CSMD3: variants seen among roughly 807,000 people sequenced by gnomAD.
CSMD3 encodes CUB and Sushi multiple domains 3.
CSMD3 carries 177 observed loss-of-function variants against 435.2 expected under a neutral mutation model. The observed-to-expected ratio is 0.41, with a 90% confidence interval of 0.36 to 0.46. The LOEUF (loss-of-function observed/expected upper bound fraction) is 0.46, where lower values mean the gene tolerates loss of function less well. Among genes scored for constraint, CSMD3 ranks in the 20% least tolerant of loss-of-function variants. The pLI, the probability that CSMD3 is intolerant of heterozygous loss-of-function variation, is 0.34. For synonymous variants in CSMD3, 1,656 were observed against 1,520.5 expected (o/e 1.09, Z -2.07); for missense variants, 4,265 against 4,504.6 (o/e 0.95, Z 1.52).
chr8:112,999,365 T>C (rs950139838), intron 6 of CSMD3, among the ~76,000 whole-genome samples: 3 of 151,724 alleles, frequency 2.0e-5, no homozygotes, highest in Non-Finnish European at 2.9e-5. Flanking sequence ...GAACAGCAAA[T>C]GCAAAAACCC....
intron 45 of CSMD3, among the ~76,000 whole-genome samples, chr8:112,320,450 A>T (rs1298819982): frequency 3.3e-5 from 5 of 152,026 alleles, no homozygotes; most frequent in South Asian, 4.2e-4. Context: ...CACAAAAAAA[A>T]TTTTCTTATT....
intron 26 of CSMD3, among the ~76,000 whole-genome samples, chr8:112,551,225 T>C (rs1351278303): frequency 6.6e-6 from 1 of 152,076 alleles, no homozygotes; most frequent in African/African-American, 2.4e-5. Context: ...TTTTATTTGT[T>C]TAATTGTTAT....
chr8:113,086,099 T>G (rs2089762246), intron 5 of CSMD3, among the ~76,000 whole-genome samples: 2 of 151,406 alleles, frequency 1.3e-5, no homozygotes, highest in South Asian at 4.2e-4. Context: ...CACACAAAAA[T>G]TAGCCAGGCG....
intron 27 of CSMD3, among the ~76,000 whole-genome samples, chr8:112,529,097 T>G (rs1224697752): frequency 1.3e-5 from 2 of 151,866 alleles, no homozygotes; most frequent in Non-Finnish European, 2.9e-5. Context: ...ACAAACAAAA[T>G]CAGCTCTCAG....
At chr8:112,455,443 A>C (rs1003271670) in intron 32 of CSMD3, among the ~76,000 whole-genome samples, 1 of 151,892 alleles carries the variant, frequency 6.6e-6, no homozygotes, top group Non-Finnish European at 1.5e-5. Context: ...AGAGCTGAAA[A>C]ACTACCTATT....
chr8:112,396,679 C>A (rs532992379), intron 35 of CSMD3, among the ~76,000 whole-genome samples: 1 of 152,156 alleles, frequency 6.6e-6, no homozygotes, highest in East Asian at 1.9e-4. Context: ...GTTTGCTGAA[C>A]ACCTGTTGTG....
chr8:112,708,562 A>C (rs1049835847), intron 13 of CSMD3, among the ~76,000 whole-genome samples: 5 of 151,942 alleles, frequency 3.3e-5, no homozygotes, highest in East Asian at 1.9e-4. Context: ...TGAAGTGGGA[A>C]GTGCAGAAGG....
At chr8:113,343,927 T>C (rs1181712009) in intron 1 of CSMD3, among the ~76,000 whole-genome samples, 1 of 152,072 alleles carries the variant, frequency 6.6e-6, no homozygotes, top group Non-Finnish European at 1.5e-5. Context: ...AACAGAAATA[T>C]AAATAATTAG....
At chr8:112,537,549 T>C (rs1419391830) in intron 27 of CSMD3, among the ~76,000 whole-genome samples, 2 of 151,822 alleles carry the variant, frequency 1.3e-5, no homozygotes, top group African/African-American at 2.4e-5. Context: ...AAATGAGACA[T>C]TAAAACTGAT....
At chr8:112,817,550 T>G (rs1406992195) in intron 12 of CSMD3, among the ~76,000 whole-genome samples, 1 of 152,114 alleles carries the variant, frequency 6.6e-6, no homozygotes, top group Non-Finnish European at 1.5e-5. Context: ...TGATCTCTAT[T>G]GACTTTTGTC....
chr8:112,264,250 A>G (rs1365913029), intron 60 of CSMD3, among the ~76,000 whole-genome samples: 8 of 152,216 alleles, frequency 5.3e-5, no homozygotes, highest in Non-Finnish European at 1.2e-4. Flanking sequence ...ACATTTTTGA[A>G]AACACAGGTC....
chr8:112,345,584 G>A (rs1472178858), intron 41 of CSMD3, among the ~76,000 whole-genome samples: 2 of 152,100 alleles, frequency 1.3e-5, no homozygotes, highest in Admixed American at 6.5e-5. Context: ...GTGTAAGAGA[G>A]AAGGATTAAG....
chr8:113,183,207 A>G (rs1260558873), intron 3 of CSMD3, among the ~76,000 whole-genome samples: 3 of 152,028 alleles, frequency 2.0e-5, no homozygotes, highest in Non-Finnish European at 4.4e-5. Flanking sequence ...GTGGGTGTTG[A>G]AGAGTAAACT....
chr8:112,625,039 G>GA (rs201292501), intron 22 of CSMD3, among the ~76,000 whole-genome samples: 45 of 149,114 alleles, frequency 3.0e-4, no homozygotes, highest in South Asian at 6.3e-4. Flanking sequence ...GATTCGAGAG[G>GA]AAAAAAAAAG....
At chr8:112,986,357 T>C (rs183018991) in intron 6 of CSMD3, among the ~76,000 whole-genome samples, 1 of 152,242 alleles carries the variant, frequency 6.6e-6, no homozygotes, top group East Asian at 1.9e-4. Context: ...TAGTAACAAA[T>C]ATTAATCCTT....
chr8:112,225,771 A>G (rs1420849), intron 70 of CSMD3, among the ~76,000 whole-genome samples: 100,241 of 152,074 alleles, frequency 0.66, 34,983 homozygotes, highest in African/African-American at 0.89. Flanking sequence ...CATGAAAATA[A>G]TTTCTAAAGG....
intron 17 of CSMD3, among the ~76,000 whole-genome samples, chr8:112,662,341 C>G (rs956586190): frequency 1.3e-5 from 2 of 152,052 alleles, no homozygotes; most frequent in African/African-American, 4.8e-5. Context: ...ACCAACGGAA[C>G]AGAACAGAGC....
intron 10 of CSMD3, among the ~76,000 whole-genome samples, chr8:112,887,219 G>C (rs1430603516): frequency 1.4e-5 from 2 of 143,470 alleles, no homozygotes; most frequent in Non-Finnish European, 3.0e-5. Flanking sequence ...TTTTTGAATA[G>C]TATAAAAGAA....
At position 112,406,570 on chromosome 8, in the gene CSMD3, C is replaced by T; in HGVS notation, c.5763G>A (p.Val1921=). Residue 1921 remains valine, a synonymous_variant, in exon 35 of 71, where the codon GTG becomes GTA. Coordinates refer to ENST00000297405, the MANE Select transcript of CSMD3 (RefSeq NM_198123.2). ...CATTCCACTGGGCCAAAGAATTGGG[C>T]ACTGTTTCACACCTAATTGCTATGG... ...HGSIAIRCET[V]PNSLAQWNDS... The T allele has an allele frequency of 6.2e-7, 1 of 1,612,396 alleles. No homozygotes were observed. The highest frequency in any genetic ancestry group is 8.5e-7 in the Non-Finnish European group (1 of 1,178,820).
Sources: gnomAD v4.1 joint callset for allele counts (sites outside exome capture counted in the v4.1 genomes callset) on GRCh38, gnomAD v4.1.1 for gene constraint, MANE v1.5 for transcripts, NCBI Gene and HGNC (gene_info 2026-07-23, HGNC 2026-07-21) for gene names.